The following JMJD1C variants were observed in gnomAD, a reference collection of about 807,000 sequenced individuals.
JMJD1C encodes the protein jumonji domain containing 1C.
A neutral mutation model predicts 245.3 loss-of-function variants in JMJD1C; 31 were observed. The observed-to-expected ratio is 0.13, with a 90% confidence interval of 0.09 to 0.17. The LOEUF (loss-of-function observed/expected upper bound fraction) is 0.17, where lower values mean the gene tolerates loss of function less well. Ranked by LOEUF, JMJD1C falls within the 10% of genes least tolerant of loss-of-function variation. The pLI, the probability that JMJD1C is intolerant of heterozygous loss-of-function variation, is 1.00. For missense variants in JMJD1C, 2,691 were observed against 3,000.2 expected (o/e 0.90, Z 2.41); for synonymous variants, 1,057 against 1,017.4 (o/e 1.04, Z -0.74).
chr10:63,427,024 A>G (rs1950481149), intron 1 of JMJD1C, among the ~76,000 whole-genome samples: 2 of 152,220 alleles, frequency 1.3e-5, no homozygotes, highest in African/African-American at 2.4e-5. Context: ...CATCCTCGTT[A>G]AAAATAAGTA....
At chr10:63,435,448 G>T (rs1352386980) in intron 1 of JMJD1C, among the ~76,000 whole-genome samples, 1 of 152,144 alleles carries the variant, frequency 6.6e-6, no homozygotes, top group Non-Finnish European at 1.5e-5. Flanking sequence ...AGTAAACACA[G>T]ATTGTAACAG....
At chr10:63,193,313 T>C in intron 15 of JMJD1C, 32 bp downstream of exon 15, 1 of 1,561,736 alleles carries the variant, frequency 6.4e-7, no homozygotes, top group South Asian at 1.2e-5. Context: ...TAACCACAGA[T>C]TTTATTTGAA....
At chr10:63,276,189 G>A (rs1484955941) in intron 2 of JMJD1C, among the ~76,000 whole-genome samples, 8 of 152,056 alleles carry the variant, frequency 5.3e-5, no homozygotes, top group Non-Finnish European at 2.9e-5. Context: ...AGTTGAGGCC[G>A]GGCACGGTGG....
At chr10:63,210,688 G>A (rs1579045) in intron 8 of JMJD1C, among the ~76,000 whole-genome samples, 101,583 of 151,992 alleles carry the variant, frequency 0.67, 36,415 homozygotes, top group Non-Finnish European at 0.81. Flanking sequence ...CATTAATGAC[G>A]TGAGAGTGAA....
At chr10:63,203,739 AT>A in intron 10 of JMJD1C, 1 of 978,056 alleles carries the variant, frequency 1.0e-6, no homozygotes, top group South Asian at 4.7e-5. Context: ...AATCTATTAT[AT>A]CTAGCTTTAA....
Position 63,267,897 on chromosome 10 carries a change from T to C in JMJD1C, c.334-3133A>G, listed in dbSNP as rs549707437. ...CAACTGTATCCTGTTTGGGGCTCCATGCTGCACCACATTCCATTCACATGA... is the reference window on the plus strand; with the variant it reads ...CAACTGTATCCTGTTTGGGGCTCCACGCTGCACCACATTCCATTCACATGA... On this transcript the variant is annotated intron_variant, in intron 2 of 25. Coordinates refer to ENST00000399262, the MANE Select transcript of JMJD1C (RefSeq NM_032776.3). Among the ~76,000 whole-genome samples, 658 of 152,186 alleles carry C rather than the reference T, an allele frequency of 4.3e-3. 2 individuals are homozygous for C. Among genetic ancestry groups the C allele is most frequent in the Non-Finnish European group, 6.1e-3 (413 of 67,992 alleles).
intron 1 of JMJD1C, among the ~76,000 whole-genome samples, chr10:63,494,821 G>C (rs1394358555): frequency 6.6e-6 from 1 of 152,152 alleles, no homozygotes. Context: ...GCTCACACTG[G>C]TCAGGTCACT....
intron 1 of JMJD1C, among the ~76,000 whole-genome samples, chr10:63,409,769 G>A (rs1949379004): frequency 6.6e-6 from 1 of 152,190 alleles, no homozygotes; most frequent in African/African-American, 2.4e-5. Flanking sequence ...TTGCTTTTCA[G>A]TGATCTGTAG....
chr10:63,387,913 G>C (rs1051412472), intron 1 of JMJD1C, among the ~76,000 whole-genome samples: 2 of 151,884 alleles, frequency 1.3e-5, no homozygotes, highest in African/African-American at 4.8e-5. Flanking sequence ...GGGATTACAG[G>C]CGTGAGCCAC....
intron 3 of JMJD1C, among the ~76,000 whole-genome samples, chr10:63,254,216 A>C (rs909805988): frequency 1.9e-4 from 29 of 152,330 alleles, no homozygotes; most frequent in African/African-American, 7.0e-4. Context: ...CAAACAAAAA[A>C]CAGCAAAACA....
chr10:63,468,144 A>T (rs1953374456), upstream of JMJD1C, among the ~76,000 whole-genome samples: 1 of 152,202 alleles, frequency 6.6e-6, no homozygotes, highest in Non-Finnish European at 1.5e-5. Context: ...TTTCATGTAT[A>T]GAAACAAAGT....
intron 1 of JMJD1C, among the ~76,000 whole-genome samples, chr10:63,400,386 G>A (rs1406551066): frequency 6.6e-6 from 1 of 152,112 alleles, no homozygotes; most frequent in East Asian, 1.9e-4. Context: ...CTCCTCTAGA[G>A]TCTCACCAAT....
chr10:63,255,223 C>T (rs1221833165), intron 3 of JMJD1C, among the ~76,000 whole-genome samples: 1 of 152,160 alleles, frequency 6.6e-6, no homozygotes, highest in East Asian at 1.9e-4. Context: ...ACTTTCTCTG[C>T]CTACCACAGA....
intron 2 of JMJD1C, among the ~76,000 whole-genome samples, chr10:63,362,132 T>C (rs1464226148): frequency 1.3e-5 from 2 of 150,558 alleles, no homozygotes; most frequent in Non-Finnish European, 3.0e-5. Context: ...CTACTAGGGG[T>C]GCTGAGGCAG....
At chr10:63,411,263 G>A (rs1187787882) in intron 1 of JMJD1C, among the ~76,000 whole-genome samples, 9 of 149,788 alleles carry the variant, frequency 6.0e-5, no homozygotes, top group African/African-American at 2.0e-4. Flanking sequence ...AAACATGGTA[G>A]TTACATGAGT....
chr10:63,372,424 G>A (rs772289382), intron 2 of JMJD1C, among the ~76,000 whole-genome samples: 12 of 152,050 alleles, frequency 7.9e-5, no homozygotes, highest in Non-Finnish European at 1.5e-4. Context: ...TTTCCCCTTG[G>A]TGATTTCAGG....
intron 1 of JMJD1C, among the ~76,000 whole-genome samples, chr10:63,395,821 T>A (rs993952300): frequency 6.6e-6 from 1 of 152,118 alleles, no homozygotes; most frequent in African/African-American, 2.4e-5. Flanking sequence ...TGTTTTAGTA[T>A]AATTAAAAGA....
chr10:63,450,414 T>C (rs950690969), intron 1 of JMJD1C, among the ~76,000 whole-genome samples: 2 of 151,966 alleles, frequency 1.3e-5, no homozygotes, highest in Admixed American at 6.6e-5. Flanking sequence ...TGAACAGCCA[T>C]AGGACTACTG....
rs567763268 is a variant in JMJD1C at position 63,417,276 on chromosome 10, A to G, written c.169-36794T>C. Among the ~76,000 whole-genome samples, 3 of 152,330 alleles carry G rather than the reference A, an allele frequency of 2.0e-5. No individual in the cohort carries two copies. In the East Asian group the frequency reaches 5.8e-4, roughly 29 times the overall value. On this transcript the variant is annotated intron_variant, in intron 1 of 25. Transcript: ENST00000399262. ...AGAAGCATGCTCAATGTACATACAT[A>G]GATGACGTACTACTATATTGGGTTT...
Sources: allele counts gnomAD v4.1 joint callset (sites outside exome capture counted in the v4.1 genomes callset), GRCh38; gene constraint gnomAD v4.1.1; transcripts MANE v1.5; gene names NCBI Gene and HGNC (gene_info 2026-07-23, HGNC 2026-07-21).